The following CSMD1 variants were observed in gnomAD, a reference collection of about 807,000 sequenced individuals.
The protein encoded by CSMD1 is CUB and sushi domain-containing protein 1.
In CSMD1, 213 loss-of-function variants were observed where a neutral mutation model predicts 417.5. That is an observed-to-expected ratio of 0.51 (90% confidence interval 0.46 to 0.57). CSMD1 has a LOEUF of 0.57. Ranked by LOEUF, CSMD1 falls within the 20% of genes least tolerant of loss-of-function variation. The pLI is 0.00. For synonymous variants in CSMD1, 2,862 were observed against 1,736.8 expected (o/e 1.65, Z -16.11); for missense variants, 6,923 against 4,529.7 (o/e 1.53, Z -15.17).
chr8:3,113,537 T>TAG (rs1446111636), intron 42 of CSMD1, among the ~76,000 whole-genome samples: 1 of 152,244 alleles, frequency 6.6e-6, no homozygotes, highest in Non-Finnish European at 1.5e-5. Flanking sequence ...ATGGCGGTGA[T>TAG]GTCTAACTTG....
intron 2 of CSMD1, among the ~76,000 whole-genome samples, chr8:4,610,426 GATTT>G (rs1801110162): frequency 6.6e-6 from 1 of 152,132 alleles, no homozygotes; most frequent in Non-Finnish European, 1.5e-5. Flanking sequence ...TATGGTTAAG[GATTT>G]ATTTCCAAAG....
At position 4,420,532 on chromosome 8, in the gene CSMD1, AT is replaced by A. The variant is rs537870176; in HGVS notation, c.303-468del. On this transcript the variant is annotated intron_variant, in intron 2 of 69. Transcript: ENST00000635120. ...TATTTTTCCTAATTCACTATTTTTAATTTTTTTCTAATAAAAAATATGACAG... is the reference window on the plus strand; with the variant it reads ...TATTTTTCCTAATTCACTATTTTTAATTTTTTCTAATAAAAAATATGACAG... 1.3e-3 allele frequency among the ~76,000 whole-genome samples: 192 copies of A among 152,072 alleles called. 1 individual carries two copies. Among genetic ancestry groups the A allele is most frequent in the African/African-American group, 4.3e-3 (178 of 41,470 alleles).
chr8:4,604,634 A>G (rs1173570658), intron 2 of CSMD1, among the ~76,000 whole-genome samples: 2 of 152,198 alleles, frequency 1.3e-5, no homozygotes, highest in African/African-American at 2.4e-5. Context: ...ATCTCTGCAA[A>G]TGAAATGGAA....
At chr8:3,655,208 T>C (rs1798042690) in intron 7 of CSMD1, among the ~76,000 whole-genome samples, 1 of 152,178 alleles carries the variant, frequency 6.6e-6, no homozygotes, top group African/African-American at 2.4e-5. Context: ...AAACCAACTT[T>C]TAATGATCAT....
intron 27 of CSMD1, among the ~76,000 whole-genome samples, chr8:3,224,929 A>C (rs1335586554): frequency 6.6e-6 from 1 of 152,214 alleles, no homozygotes; most frequent in Non-Finnish European, 1.5e-5. Context: ...GTTTATATCA[A>C]ATACTGTGGT....
intron 1 of CSMD1, among the ~76,000 whole-genome samples, chr8:4,914,343 G>C (rs1325758702): frequency 6.6e-6 from 1 of 152,120 alleles, no homozygotes; most frequent in Non-Finnish European, 1.5e-5. Context: ...TTGGGAGACT[G>C]AGGCAGGCAG....
intron 5 of CSMD1, among the ~76,000 whole-genome samples, chr8:3,925,967 C>G (rs1045326711): frequency 6.7e-6 from 1 of 149,782 alleles, no homozygotes; most frequent in Non-Finnish European, 1.5e-5. Flanking sequence ...ATACCTTTAA[C>G]CTCAGTCACC....
intron 4 of CSMD1, among the ~76,000 whole-genome samples, chr8:4,008,033 TTTGCTTGTTTTCAGCAAG>T (rs1203776554): frequency 6.6e-6 from 1 of 152,234 alleles, no homozygotes; most frequent in Non-Finnish European, 1.5e-5. Flanking sequence ...GTGTTTTTGC[TTTGCTTGTTTTCAGCAAG>T]CAGGAAAACC....
intron 5 of CSMD1, among the ~76,000 whole-genome samples, chr8:3,880,530 T>C (rs1199604749): frequency 1.3e-5 from 2 of 152,196 alleles, no homozygotes; most frequent in Non-Finnish European, 2.9e-5. Context: ...GCCACGTAGT[T>C]TATTTTACTA....
intron 23 of CSMD1, among the ~76,000 whole-genome samples, chr8:3,314,501 A>G (rs1477392213): frequency 6.6e-6 from 1 of 152,178 alleles, no homozygotes; most frequent in Admixed American, 6.6e-5. Context: ...AGAAACTTTA[A>G]AAAAGACTAA....
At chr8:3,425,003 G>C (rs1813736171) in intron 12 of CSMD1, among the ~76,000 whole-genome samples, 1 of 152,008 alleles carries the variant, frequency 6.6e-6, no homozygotes, top group South Asian at 2.1e-4. Flanking sequence ...CCCAGATAAT[G>C]ATTTTATTTT....
At chr8:3,509,177 A>T (rs547982433) in intron 10 of CSMD1, among the ~76,000 whole-genome samples, 1 of 152,332 alleles carries the variant, frequency 6.6e-6, no homozygotes, top group African/African-American at 2.4e-5. Context: ...TTCTATGTCA[A>T]GAAAGTGATT....
rs570416061 is a variant in CSMD1, at chr8:4,173,917, G to C, written c.416-141818C>G. On this transcript the variant is annotated intron_variant, in intron 3 of 69. Transcript: ENST00000635120. Reference sequence around the variant, plus strand: ...TTCTGGGCTCAGTACACATGGCTCAGGGTATGAACTAGCTTCTTCCCTCAG... The same window carrying C: ...TTCTGGGCTCAGTACACATGGCTCACGGTATGAACTAGCTTCTTCCCTCAG... 2.4e-4 allele frequency among the ~76,000 whole-genome samples: 36 copies of C among 152,208 alleles called. No individual in the cohort carries two copies. The East Asian group carries it at 6.4e-3, about 27-fold the overall frequency.
At chr8:4,107,652 A>C (rs1214742543) in intron 3 of CSMD1, among the ~76,000 whole-genome samples, 1 of 152,204 alleles carries the variant, frequency 6.6e-6, no homozygotes, top group Non-Finnish European at 1.5e-5. Context: ...CCGAAAGCTC[A>C]TTTGAAGTAC....
chr8:3,711,640 G>A (rs148512949), intron 6 of CSMD1, among the ~76,000 whole-genome samples: 12 of 152,234 alleles, frequency 7.9e-5, no homozygotes, highest in African/African-American at 2.9e-4. Flanking sequence ...AAGGGAACAC[G>A]AGATGGGGTA....
intron 5 of CSMD1, among the ~76,000 whole-genome samples, chr8:3,947,008 C>A (rs531914789): frequency 6.6e-6 from 1 of 152,208 alleles, no homozygotes; most frequent in East Asian, 1.9e-4. Context: ...TCTCATATTT[C>A]TAATCTCTAT....
intron 1 of CSMD1, among the ~76,000 whole-genome samples, chr8:4,978,728 A>G (rs935311927): frequency 4.6e-5 from 7 of 152,132 alleles, no homozygotes; most frequent in African/African-American, 1.4e-4. Flanking sequence ...ACTTGAGGTC[A>G]GTAGTTCGAG....
chr8:4,792,630 C>T (rs1162006598), intron 1 of CSMD1, among the ~76,000 whole-genome samples: 1 of 152,118 alleles, frequency 6.6e-6, no homozygotes, highest in Non-Finnish European at 1.5e-5. Flanking sequence ...TTTTAGACTA[C>T]TGTTTTCTAA....
intron 5 of CSMD1, among the ~76,000 whole-genome samples, chr8:3,935,941 G>C (rs764345438): frequency 4.6e-5 from 7 of 152,130 alleles, no homozygotes; most frequent in Admixed American, 1.3e-4. Context: ...AGTGAGCCAA[G>C]CTGTGAATGC....
Sources: gnomAD v4.1 joint callset for allele counts (sites outside exome capture counted in the v4.1 genomes callset) on GRCh38, gnomAD v4.1.1 for gene constraint, MANE v1.5 for transcripts, NCBI Gene and HGNC (gene_info 2026-07-23, HGNC 2026-07-21) for gene names.